The following GPR89A variants were observed in gnomAD, a reference collection of about 807,000 sequenced individuals.
GPR89A encodes G protein-coupled receptor 89A.
Under a neutral mutation model 52.0 loss-of-function variants are expected in GPR89A, and 16 were observed. The ratio of observed to expected loss-of-function variants is 0.31; its 90% CI spans 0.21 to 0.47. The LOEUF (loss-of-function observed/expected upper bound fraction) is 0.47, where lower values mean the gene tolerates loss of function less well. Ranked by LOEUF, GPR89A falls within the 20% of genes least tolerant of loss-of-function variation. The pLI is 1.00. For synonymous variants in GPR89A, 55 were observed against 150.9 expected, an observed-to-expected ratio of 0.36 and a Z score of 4.66; for missense variants, 135 against 449.4, an observed-to-expected ratio of 0.30 and a Z score of 6.33.
intron 5 of GPR89A, among the ~76,000 whole-genome samples, chr1:145,629,134 C>A (rs1266138514): frequency 6.6e-6 from 1 of 151,970 alleles, no homozygotes; most frequent in Non-Finnish European, 1.5e-5. Flanking sequence ...ACAAATAGCA[C>A]CAAGATTATC....
intron 1 of GPR89A, among the ~76,000 whole-genome samples, chr1:145,609,444 A>G (rs1272917248): frequency 1.3e-5 from 2 of 152,174 alleles, no homozygotes; most frequent in African/African-American, 4.8e-5. Context: ...TATTGTTTTT[A>G]TTGGCTGCAT....
intron 5 of GPR89A, among the ~76,000 whole-genome samples, chr1:145,625,080 A>C (rs1649399329): frequency 1.3e-5 from 2 of 148,486 alleles, no homozygotes; most frequent in African/African-American, 4.8e-5. Flanking sequence ...ATTTCGGGAG[A>C]GAGGTTATGA....
intron 7 of GPR89A, among the ~76,000 whole-genome samples, chr1:145,642,897 G>A (rs587614116): frequency 6.6e-6 from 1 of 152,112 alleles, no homozygotes; most frequent in East Asian, 1.9e-4. Flanking sequence ...CATGCCAGCA[G>A]CTACCACTGT....
At chr1:145,628,212 G>A (rs1272740698) in intron 5 of GPR89A, among the ~76,000 whole-genome samples, 13 of 151,796 alleles carry the variant, frequency 8.6e-5, no homozygotes, top group Non-Finnish European at 1.5e-4. Flanking sequence ...GGTGAAGCTG[G>A]GGAAATTGGT....
At chr1:145,637,690 A>C (rs1216932596) in intron 7 of GPR89A, among the ~76,000 whole-genome samples, 19 of 152,114 alleles carry the variant, frequency 1.2e-4, no homozygotes, top group African/African-American at 2.9e-4. Context: ...GAAAGTAACC[A>C]TTACAAATAT....
At chr1:145,616,196 A>G (rs1648677142) in intron 1 of GPR89A, 38 bp from the exon 2 acceptor site, 1 of 1,529,544 alleles carries the variant, frequency 6.5e-7, no homozygotes, top group South Asian at 1.1e-5. Flanking sequence ...TTCTCAAAAG[A>G]AAATATGTAT....
At chr1:145,652,334 T>A (rs1651508908) in intron 10 of GPR89A, among the ~76,000 whole-genome samples, 1 of 152,220 alleles carries the variant, frequency 6.6e-6, no homozygotes, top group African/African-American at 2.4e-5. Context: ...TGTTGCATAC[T>A]GGGCATGAAG....
At chr1:145,620,446 CAACTTTTAACTTATAGTTAA>C (rs1649061549) in intron 3 of GPR89A, among the ~76,000 whole-genome samples, 1 of 150,486 alleles carries the variant, frequency 6.6e-6, no homozygotes, top group Non-Finnish European at 1.5e-5. Context: ...TGATGTCCCC[CAACTTTTAACTTATAGTTAA>C]TAACCCGTAT....
At chr1:145,647,837 TCTCTCTCCTCCTC>T (rs1328810707) in intron 10 of GPR89A, among the ~76,000 whole-genome samples, 702 of 9,186 alleles carry the variant, frequency 0.076, 21 homozygotes, top group Admixed American at 0.16. Context: ...ACTCTCTCTC[TCTCTCTCCTCCTC>T]CTCTCTCTCT....
At chr1:145,633,924 G>A (rs1476651163) in intron 7 of GPR89A, among the ~76,000 whole-genome samples, 7 of 150,754 alleles carry the variant, frequency 4.6e-5, no homozygotes, top group African/African-American at 1.5e-4. Flanking sequence ...AATACTTAGG[G>A]ATAAATTTGA....
intron 7 of GPR89A, among the ~76,000 whole-genome samples, chr1:145,639,724 G>A (rs1441705152): frequency 1.4e-5 from 2 of 146,054 alleles, no homozygotes; most frequent in Admixed American, 7.0e-5. Context: ...TCCAGCCTGG[G>A]TGACAGAGCA....
intron 1 of GPR89A, among the ~76,000 whole-genome samples, chr1:145,615,267 A>T (rs1553686748): frequency 6.6e-6 from 1 of 152,228 alleles, no homozygotes; most frequent in Non-Finnish European, 1.5e-5. Flanking sequence ...AGATATAAAA[A>T]ATATTAGGCT....
chr1:145,616,286 A>G lies in GPR89A; in HGVS notation c.95A>G (p.Asp32Gly). ...WLFFMRQLFK[D>G]YEIRQYVVQV... ...TTCTTCATGCGCCAATTGTTTAAAG[A>G]CTATGAGGTGAGAAGAAATCATTTT... Residue 32 changes from aspartate (D) to glycine (G), a missense_variant, in exon 2 of 14, where the codon GAC becomes GGC. Physicochemically the swap from Asp to Gly is moderately conservative, Grantham distance 94. Coordinates refer to ENST00000313835, the MANE Select transcript of GPR89A (RefSeq NM_001097612.2). The G allele has an allele frequency of 6.2e-7, 1 of 1,607,226 alleles. No individual in the cohort carries two copies. The highest frequency in any genetic ancestry group is 8.5e-7 in the Non-Finnish European group (1 of 1,176,114).
intron 10 of GPR89A, among the ~76,000 whole-genome samples, chr1:145,650,629 G>C (rs1553693382): frequency 6.6e-6 from 1 of 151,024 alleles, no homozygotes; most frequent in Non-Finnish European, 1.5e-5. Context: ...CTATTTCTCT[G>C]TAGCCTCGCC....
intron 7 of GPR89A, among the ~76,000 whole-genome samples, chr1:145,633,028 G>A (rs1219164482): frequency 4.7e-5 from 7 of 148,668 alleles, no homozygotes; most frequent in African/African-American, 1.3e-4. Context: ...ATATCTGTTG[G>A]TCATGTGTAT....
intron 5 of GPR89A, among the ~76,000 whole-genome samples, chr1:145,628,750 T>C (rs1395935611): frequency 2.0e-5 from 3 of 152,192 alleles, no homozygotes; most frequent in Non-Finnish European, 4.4e-5. Context: ...TTTCATTCAA[T>C]AAAGAAGAAT....
intron 10 of GPR89A, among the ~76,000 whole-genome samples, chr1:145,650,513 G>A (rs1651375208): frequency 6.6e-6 from 1 of 151,110 alleles, no homozygotes; most frequent in Non-Finnish European, 1.5e-5. Context: ...TAATGGGATT[G>A]CTGGGTCAAA....
intron 5 of GPR89A, among the ~76,000 whole-genome samples, chr1:145,629,049 A>G (rs1328355077): frequency 1.3e-5 from 2 of 152,210 alleles, no homozygotes; most frequent in Non-Finnish European, 2.9e-5. Context: ...AATCAAAAGT[A>G]TGGTGACTGC....
chr1:145,630,371 A>G (rs186323002), intron 5 of GPR89A, among the ~76,000 whole-genome samples: 1 of 85,928 alleles, frequency 1.2e-5, no homozygotes, highest in Non-Finnish European at 2.2e-5. Flanking sequence ...TGCTTTTACT[A>G]AAAGTACTTT....
Sources: gnomAD v4.1 joint callset for allele counts (sites outside exome capture counted in the v4.1 genomes callset) on GRCh38, gnomAD v4.1.1 for gene constraint, MANE v1.5 for transcripts, NCBI Gene and HGNC (gene_info 2026-07-23, HGNC 2026-07-21) for gene names.